Variants in LRMDA observed in about 807,000 individuals in gnomAD.
The protein encoded by LRMDA is leucine-rich melanocyte differentiation-associated protein.
LRMDA carries 18 observed loss-of-function variants against 29.8 expected under a neutral mutation model. That is an observed-to-expected ratio of 0.60 (90% CI 0.42 to 0.90). LRMDA has a LOEUF of 0.90. LRMDA is among the 40% of genes least tolerant of loss of function. The pLI is 0.00. For synonymous variants in LRMDA, 125 were observed against 109.4 expected (o/e 1.14, Z -0.89); for missense variants, 273 against 273.9 (o/e 1.00, Z 0.02).
At chr10:76,232,722 T>A (rs1297011343) in intron 5 of LRMDA, among the ~76,000 whole-genome samples, 1 of 152,112 alleles carries the variant, frequency 6.6e-6, no homozygotes, top group African/African-American at 2.4e-5. Context: ...AAAATAAGGA[T>A]GTACTGACAA....
intron 6 of LRMDA, among the ~76,000 whole-genome samples, chr10:76,525,147 G>C (rs1376069391): frequency 1.3e-5 from 2 of 152,132 alleles, no homozygotes; most frequent in African/African-American, 4.8e-5. Flanking sequence ...CCAGTGTTCA[G>C]ATCTTGCAAA....
In LRMDA at chr10:75,866,510, C is replaced by T. The variant is rs1386687234; in HGVS notation, c.132-169498C>T. Among the ~76,000 whole-genome samples, 5 of 152,300 alleles carry T rather than the reference C, an allele frequency of 3.3e-5. No individual in the cohort carries two copies. In the East Asian group the frequency reaches 9.6e-4, roughly 29 times the overall value. On this transcript the variant is annotated intron_variant, in intron 2 of 6. Transcript: ENST00000611255. ...GCTTGTTGGTTTTGCTGCTTCTTTG[C>T]TGATTTCAGAGAGAGGCATGGGCAG...
chr10:75,475,478 C>A (rs779327166), intron 2 of LRMDA, among the ~76,000 whole-genome samples: 1 of 152,188 alleles, frequency 6.6e-6, no homozygotes, highest in East Asian at 1.9e-4. Flanking sequence ...GGACTGCTTC[C>A]GAGAGATAAT....
intron 2 of LRMDA, among the ~76,000 whole-genome samples, chr10:75,950,559 TGTTTA>T (rs1172157715): frequency 6.6e-6 from 1 of 152,220 alleles, no homozygotes; most frequent in Non-Finnish European, 1.5e-5. Context: ...CATTCCTGCT[TGTTTA>T]GTTCTCTTAT....
intron 5 of LRMDA, among the ~76,000 whole-genome samples, chr10:76,120,513 A>G (rs749902443): frequency 6.6e-6 from 1 of 152,094 alleles, no homozygotes; most frequent in Non-Finnish European, 1.5e-5. Flanking sequence ...TTTAATTTTC[A>G]TACTGCGCCA....
In LRMDA at chr10:76,117,642, C is replaced by T. The variant is rs147672932; in HGVS notation, c.516+58859C>T. ...ACTTAAAGACTGGCTCTGTGGCCTT[C>T]GAGTGAGTTATATAAAATACAACCA... On this transcript the variant is annotated intron_variant, in intron 5 of 6. Coordinates refer to ENST00000611255, the MANE Select transcript of LRMDA (RefSeq NM_001305581.2). 1.8e-3 allele frequency among the ~76,000 whole-genome samples: 272 copies of T among 152,320 alleles called. 3 individuals are homozygous for T. The South Asian group carries it at 0.044, about 24-fold the overall frequency.
At chr10:75,555,136 C>G (rs1321641409) in intron 2 of LRMDA, among the ~76,000 whole-genome samples, 1 of 152,028 alleles carries the variant, frequency 6.6e-6, no homozygotes, top group African/African-American at 2.4e-5. Flanking sequence ...CTCTCCATGG[C>G]CCTATGAGAG....
chr10:76,439,282 T>C (rs1221167587), intron 6 of LRMDA, among the ~76,000 whole-genome samples: 1 of 152,190 alleles, frequency 6.6e-6, no homozygotes, highest in Non-Finnish European at 1.5e-5. Flanking sequence ...GAAGGTTTTA[T>C]GAGACAGGAA....
intron 2 of LRMDA, chr10:75,450,414 G>C (rs1844447493): frequency 6.6e-6 from 1 of 151,828 alleles, no homozygotes; most frequent in South Asian, 2.1e-4. Context: ...TTTTTCTCTG[G>C]TTCTGAAGAA....
intron 2 of LRMDA, among the ~76,000 whole-genome samples, chr10:75,934,206 A>G (rs1031200644): frequency 3.3e-5 from 5 of 152,212 alleles, no homozygotes; most frequent in African/African-American, 1.2e-4. Flanking sequence ...TGGCATAAAC[A>G]TGTTAATTAC....
intron 2 of LRMDA, among the ~76,000 whole-genome samples, chr10:75,505,646 T>C (rs995285027): frequency 6.6e-6 from 1 of 152,192 alleles, no homozygotes; most frequent in Non-Finnish European, 1.5e-5. Flanking sequence ...GCTGCACTCA[T>C]GGACCCCCCA....
At chr10:76,423,835 T>C (rs567785935) in intron 6 of LRMDA, among the ~76,000 whole-genome samples, 1 of 152,262 alleles carries the variant, frequency 6.6e-6, no homozygotes, top group African/African-American at 2.4e-5. Context: ...AGAAAACCAA[T>C]GACTAGGAAT....
intron 2 of LRMDA, among the ~76,000 whole-genome samples, chr10:75,555,238 T>C (rs1840199935): frequency 6.6e-6 from 1 of 152,186 alleles, no homozygotes. Flanking sequence ...GAGCTGACTC[T>C]TGGAAGAAGG....
chr10:75,957,221 C>T (rs1042196034), intron 2 of LRMDA, among the ~76,000 whole-genome samples: 2 of 152,180 alleles, frequency 1.3e-5, no homozygotes, highest in Non-Finnish European at 2.9e-5. Flanking sequence ...TTAGCTGAAC[C>T]GTTAGTGGGC....
intron 5 of LRMDA, among the ~76,000 whole-genome samples, chr10:76,291,891 A>G (rs1232391538): frequency 6.7e-6 from 1 of 149,628 alleles, no homozygotes; most frequent in Non-Finnish European, 1.5e-5. Context: ...GTATATACAG[A>G]TTATATATAC....
At chr10:76,257,431 T>C (rs1382857447) in intron 5 of LRMDA, among the ~76,000 whole-genome samples, 1 of 151,932 alleles carries the variant, frequency 6.6e-6, no homozygotes, top group Non-Finnish European at 1.5e-5. Context: ...GCTCCCAGGT[T>C]TAAGCAATTC....
At chr10:75,688,052 C>G (rs931882473) in intron 2 of LRMDA, among the ~76,000 whole-genome samples, 1 of 152,180 alleles carries the variant, frequency 6.6e-6, no homozygotes, top group African/African-American at 2.4e-5. Context: ...CCCAACAGTT[C>G]CAATGGAGAT....
At position 76,347,045 on chromosome 10, in the gene LRMDA, G is replaced by T. The variant is rs7922180; in HGVS notation, c.601+22560G>T. Among the ~76,000 whole-genome samples, 4 of 152,144 alleles carry T rather than the reference G, an allele frequency of 2.6e-5. No individual in the cohort carries two copies. The South Asian group carries it at 8.3e-4, about 32-fold the overall frequency. ...AAATAATGTCTAATTGGAGATATCTGGTTAAAAGAAAGCAGAGTAATACTG... is the reference window on the plus strand; with the variant it reads ...AAATAATGTCTAATTGGAGATATCTTGTTAAAAGAAAGCAGAGTAATACTG... On this transcript the variant is annotated intron_variant, in intron 6 of 6. Transcript: ENST00000611255.
At chr10:75,895,879 T>C (rs1023317845) in intron 2 of LRMDA, among the ~76,000 whole-genome samples, 3 of 152,084 alleles carry the variant, frequency 2.0e-5, no homozygotes, top group Non-Finnish European at 2.9e-5. Flanking sequence ...GAGAAATGAG[T>C]ATGGTGAAGT....
Sources: gnomAD v4.1 joint callset for allele counts (sites outside exome capture counted in the v4.1 genomes callset) on GRCh38, gnomAD v4.1.1 for gene constraint, MANE v1.5 for transcripts, NCBI Gene and HGNC (gene_info 2026-07-23, HGNC 2026-07-21) for gene names.